CLIC4: variants seen among roughly 807,000 people sequenced by gnomAD.
CLIC4 encodes the protein chloride intracellular channel protein 4.
In CLIC4, 13 loss-of-function variants were observed where a neutral mutation model predicts 24.6. The observed-to-expected ratio is 0.53, with a 90% CI of 0.34 to 0.84. The LOEUF (loss-of-function observed/expected upper bound fraction) is 0.84, where lower values mean the gene tolerates loss of function less well. Ranked by LOEUF, CLIC4 falls within the 40% of genes least tolerant of loss-of-function variation. CLIC4 has a pLI of 0.01. For synonymous variants in CLIC4, 104 were observed against 111.3 expected (o/e 0.93, Z 0.41); for missense variants, 227 against 301.7 (o/e 0.75, Z 1.83).
intron 4 of CLIC4, among the ~76,000 whole-genome samples, chr1:24,829,033 A>C (rs1203386590): frequency 6.6e-6 from 1 of 152,178 alleles, no homozygotes; most frequent in Admixed American, 6.5e-5. Context: ...CAGGCCTCAG[A>C]TCCATTTAGT....
intron 1 of CLIC4, among the ~76,000 whole-genome samples, chr1:24,754,509 A>G (rs1018093992): frequency 6.6e-6 from 1 of 152,164 alleles, no homozygotes; most frequent in Non-Finnish European, 1.5e-5. Context: ...TGATTAAGGC[A>G]TGAGTTAAGA....
intron 1 of CLIC4, among the ~76,000 whole-genome samples, chr1:24,777,530 C>CA (rs201312565): frequency 3.3e-4 from 49 of 149,968 alleles, no homozygotes; most frequent in Non-Finnish European, 5.0e-4. Flanking sequence ...GGTGATAGAG[C>CA]AAAAAAAAAG....
At chr1:24,839,440 C>T in intron 4 of CLIC4, among the ~76,000 whole-genome samples, 1 of 152,190 alleles carries the variant, frequency 6.6e-6, no homozygotes, top group Non-Finnish European at 1.5e-5. Flanking sequence ...GCTGGGACTA[C>T]AGGCGCCCGC....
rs11352551 is a variant in CLIC4, at chr1:24,765,512, AT to A, written c.72+19890del. ...TCATATTTTAGATTGAAATAAACAG[AT>A]TTACTTGTTTTTCCTTGCAAAGTAA... On this transcript the variant is annotated intron_variant, in intron 1 of 5. Coordinates refer to ENST00000374379, the MANE Select transcript of CLIC4 (RefSeq NM_013943.3). Among the ~76,000 whole-genome samples, 539 of 152,264 alleles carry A rather than the reference AT, an allele frequency of 3.5e-3. 2 individuals carry two copies. Among genetic ancestry groups the A allele is most frequent in the African/African-American group, 0.012 (507 of 41,550 alleles).
chr1:24,776,695 C>T (rs1639144925), intron 1 of CLIC4, among the ~76,000 whole-genome samples: 1 of 152,148 alleles, frequency 6.6e-6, no homozygotes, highest in Non-Finnish European at 1.5e-5. Context: ...AATCCCAGCA[C>T]TTTGGGAGGC....
At position 24,839,876 on chromosome 1, in the gene CLIC4, C is replaced by T; in HGVS notation, c.432C>T (p.Leu144=). 1 of 1,611,990 alleles carries T rather than the reference C, an allele frequency of 6.2e-7. No individual in the cohort carries two copies. Residue 144 remains leucine (L), a synonymous_variant, in exon 5 of 6, where the codon CTC becomes CTT. Transcript: ENST00000374379. The part of the protein sequence containing the change: ...PEANEALERG[L]LKTLQKLDEY... ...CCCCCCAAGCACTGGAGAGGGGTCT[C>T]CTGAAAACCCTGCAGAAACTGGATG...
intron 2 of CLIC4, among the ~76,000 whole-genome samples, chr1:24,809,712 C>T (rs6668768): frequency 0.11 from 17,005 of 152,122 alleles, 1,259 homozygotes; most frequent in East Asian, 0.22. Context: ...CCACCCGCTT[C>T]GGCCTCACAA....
intron 1 of CLIC4, among the ~76,000 whole-genome samples, chr1:24,755,417 C>T (rs1173179985): frequency 2.1e-5 from 3 of 145,418 alleles, no homozygotes; most frequent in Admixed American, 7.0e-5. Context: ...CCAGCCTGGG[C>T]GACAGTGAGA....
chr1:24,751,207 CTTTTT>C (rs563478354), intron 1 of CLIC4, among the ~76,000 whole-genome samples: 18 of 109,040 alleles, frequency 1.7e-4, no homozygotes, highest in Non-Finnish European at 1.7e-4. Flanking sequence ...TACTTCCAGT[CTTTTT>C]TTTTTTTTTT....
intron 2 of CLIC4, among the ~76,000 whole-genome samples, chr1:24,801,095 T>A (rs766547374): frequency 2.4e-4 from 37 of 151,916 alleles, no homozygotes; most frequent in Non-Finnish European, 4.0e-4. Context: ...AAAGAATAGT[T>A]GTATTAATGG....
Position 24,745,489 on chromosome 1 carries a change from C to A in CLIC4, c.-65C>A, listed in dbSNP as rs2124068805. 6 of 1,462,488 alleles carry A rather than the reference C, an allele frequency of 4.1e-6. No individual in the cohort carries two copies. Among genetic ancestry groups the A allele is most frequent in the South Asian group, 3.7e-5 (3 of 80,214 alleles). 90.6% of individuals were successfully genotyped at this position (1,462,488 alleles called of 1,614,324 possible). On this transcript the variant is annotated 5_prime_UTR_variant, in exon 1 of 6. Transcript: ENST00000374379. ...GGCGGGAACCGGCAGCCGGAGCAGT[C>A]CCGGAGCAGAAGCAGCAGCAGCAGC...
At chr1:24,776,038 G>T (rs1639136845) in intron 1 of CLIC4, among the ~76,000 whole-genome samples, 1 of 152,136 alleles carries the variant, frequency 6.6e-6, no homozygotes, top group Non-Finnish European at 1.5e-5. Context: ...TCCCCCCATA[G>T]TAGGTGGCAG....
intron 1 of CLIC4, among the ~76,000 whole-genome samples, chr1:24,784,918 G>A (rs1571241870): frequency 6.6e-6 from 1 of 151,606 alleles, no homozygotes; most frequent in East Asian, 1.9e-4. Flanking sequence ...GCTGGAGAAT[G>A]GCGTGAACCC....
intron 1 of CLIC4, among the ~76,000 whole-genome samples, chr1:24,783,681 C>T (rs779884679): frequency 7.9e-5 from 12 of 151,944 alleles, no homozygotes; most frequent in African/African-American, 1.9e-4. Flanking sequence ...CTAGCCTGGG[C>T]GACAGAGCAA....
chr1:24,801,348 A>G (rs187631709), intron 2 of CLIC4, among the ~76,000 whole-genome samples: 2 of 152,164 alleles, frequency 1.3e-5, no homozygotes, highest in Admixed American at 6.6e-5. Context: ...GGAAGCAGAC[A>G]TGTCTTTCAT....
chr1:24,792,392 C>T lies in CLIC4; in HGVS notation c.73-5350C>T, dbSNP rs180994346. Among the ~76,000 whole-genome samples, 759 of 152,128 alleles carry T rather than the reference C, an allele frequency of 5.0e-3. 8 individuals carry two copies. Among genetic ancestry groups the T allele is most frequent in the Non-Finnish European group, 6.3e-3 (428 of 68,002 alleles). On this transcript the variant is annotated intron_variant, in intron 1 of 5. Transcript: ENST00000374379. ...TTTTTAGTAGAGATGGGGTATTGCTCGGTTGCCCAGGCTGATCTCAAACTC... is the reference window on the plus strand; with the variant it reads ...TTTTTAGTAGAGATGGGGTATTGCTTGGTTGCCCAGGCTGATCTCAAACTC...
intron 1 of CLIC4, among the ~76,000 whole-genome samples, chr1:24,774,856 A>C (rs868201773): frequency 5.9e-5 from 9 of 152,324 alleles, no homozygotes; most frequent in Middle Eastern, 3.4e-3. Context: ...GGATCACCTG[A>C]GGTCAGGAAT....
chr1:24,755,308 G>A (rs1466422347), intron 1 of CLIC4, among the ~76,000 whole-genome samples: 1 of 150,478 alleles, frequency 6.6e-6, no homozygotes, highest in East Asian at 2.0e-4. Flanking sequence ...GCATGATGGT[G>A]CACGCCTGTA....
chr1:24,749,805 A>T (rs3131499), intron 1 of CLIC4, among the ~76,000 whole-genome samples: 7,111 of 152,120 alleles, frequency 0.047, 545 homozygotes, highest in African/African-American at 0.16. Context: ...AAAAACTATT[A>T]AAAAAATTGC....
Sources: gnomAD v4.1 joint callset for allele counts (sites outside exome capture counted in the v4.1 genomes callset) on GRCh38, gnomAD v4.1.1 for gene constraint, MANE v1.5 for transcripts, NCBI Gene and HGNC (gene_info 2026-07-23, HGNC 2026-07-21) for gene names.